SIRT2: variants seen among roughly 807,000 people sequenced by gnomAD.
The protein encoded by SIRT2 is sirtuin 2.
Under a neutral mutation model 57.4 loss-of-function variants are expected in SIRT2, and 40 were observed. The observed-to-expected ratio is 0.70, with a 90% CI of 0.54 to 0.91. The LOEUF is 0.91. SIRT2 is among the 40% of genes least tolerant of loss of function. SIRT2 has a pLI of 0.00. For missense variants in SIRT2, 439 were observed against 510.4 expected (o/e 0.86, Z 1.35); for synonymous variants, 161 against 195.7 (o/e 0.82, Z 1.48).
At chr19:38,890,721 C>A in intron 4 of SIRT2, 1 of 155,654 alleles carries the variant, frequency 6.4e-6, no homozygotes, top group Non-Finnish European at 1.4e-5. Flanking sequence ...AAAAGAGAAT[C>A]CACTGTTGGA....
intron 8 of SIRT2, among the ~76,000 whole-genome samples, chr19:38,884,696 C>T (rs1251591566): frequency 1.3e-5 from 2 of 152,042 alleles, no homozygotes; most frequent in African/African-American, 2.4e-5. Flanking sequence ...ATTTGCTTGC[C>T]TCGGCCTCCC....
intron 8 of SIRT2, among the ~76,000 whole-genome samples, chr19:38,886,869 C>T (rs1371138557): frequency 6.6e-6 from 1 of 152,072 alleles, no homozygotes; most frequent in African/African-American, 2.4e-5. Context: ...TTTGGCCTCC[C>T]AAAGTGCTGG....
chr19:38,897,523 C>G (rs1050679336), intron 2 of SIRT2, among the ~76,000 whole-genome samples: 1 of 136,146 alleles, frequency 7.3e-6, no homozygotes, highest in Non-Finnish European at 1.5e-5. Context: ...CTTTACTTTT[C>G]TTCCTTTTTT....
chr19:38,898,355 C>A, intron 2 of SIRT2, 24 bp downstream of exon 2: 1 of 1,468,122 alleles, frequency 6.8e-7, no homozygotes, highest in Non-Finnish European at 9.1e-7. Context: ...TCTCTCCTCC[C>A]CTCCACCCTT....
chr19:38,884,231 A>G (rs1387462173), intron 8 of SIRT2, among the ~76,000 whole-genome samples: 1 of 152,012 alleles, frequency 6.6e-6, no homozygotes, highest in Non-Finnish European at 1.5e-5. Flanking sequence ...CATTTTTCAG[A>G]AAAAAAATGT....
intron 8 of SIRT2, among the ~76,000 whole-genome samples, chr19:38,884,483 C>G (rs987597038): frequency 6.6e-6 from 1 of 152,042 alleles, no homozygotes; most frequent in African/African-American, 2.4e-5. Context: ...GAGTCTTGCT[C>G]TGTCACCCAG....
At chr19:38,891,621 G>C (rs1436176850) in intron 4 of SIRT2, among the ~76,000 whole-genome samples, 3 of 152,072 alleles carry the variant, frequency 2.0e-5, no homozygotes, top group Non-Finnish European at 4.4e-5. Flanking sequence ...TTTTTGCAGA[G>C]AGGGGGTCTC....
rs199613421 is a variant in SIRT2, at chr19:38,879,714, G to A, written c.877-12C>T. The A allele has an allele frequency of 5.1e-6, 8 of 1,560,176 alleles. No individual in the cohort carries two copies. Among genetic ancestry groups the A allele is most frequent in the Non-Finnish European group, 6.1e-6 (7 of 1,151,442 alleles). On this transcript the variant is annotated splice_polypyrimidine_tract_variant and intron_variant, in intron 13 of 15. Coordinates refer to ENST00000249396, the MANE Select transcript of SIRT2 (RefSeq NM_012237.4). Reference sequence around the variant, plus strand: ...AGGAAAGGGTCCGACTGTCAGGGAGGGGGTGGGTCAGGGGCAGGAGCAGGG... The same window carrying A: ...AGGAAAGGGTCCGACTGTCAGGGAGAGGGTGGGTCAGGGGCAGGAGCAGGG...
Position 38,890,088 on chromosome 19 carries a change from AG to A in SIRT2, c.268+14del, listed in dbSNP as rs1973483395. 6.2e-7 allele frequency: 1 copy of A among 1,613,892 alleles called. No individual in the cohort carries two copies. The highest frequency in any genetic ancestry group is 1.3e-5 in the African/African-American group (1 of 74,852). On this transcript the variant is annotated intron_variant, in intron 5 of 15. Coordinates refer to ENST00000249396, the MANE Select transcript of SIRT2 (RefSeq NM_012237.4). ...AGTTCCTGGGGGTAGCTGCTGGGGG[AG>A]AAGGGTTACTTACATGTGGAGATTC...
At chr19:38,887,164 A>G (rs1973369522) in intron 8 of SIRT2, among the ~76,000 whole-genome samples, 1 of 152,062 alleles carries the variant, frequency 6.6e-6, no homozygotes, top group African/African-American at 2.4e-5. Context: ...GAACACATAC[A>G]CCGTTTCTGA....
rs539899708 is a variant in SIRT2 at position 38,880,410 on chromosome 19, TCCTGACC to T, written c.876+268_876+274del. The T allele has an allele frequency of 1.3e-3, 514 of 400,454 alleles. 3 individuals are homozygous for T. Among genetic ancestry groups the T allele is most frequent in the African/African-American group, 0.01 (483 of 47,810 alleles). 24.8% of individuals were successfully genotyped at this position (400,454 alleles called of 1,614,324 possible). A position where few individuals can be genotyped will look rare whatever the true frequency, so the allele number is the denominator to read the frequency against. ...CCAACCCCGCCCCCCGCACTGTCTC[TCCTGACC>T]CCTGCACCCCCTCCCACCTCCTCAG... On this transcript the variant is annotated intron_variant, in intron 13 of 15. Transcript: ENST00000249396. The surrounding 1 kb of genome is among the most constrained non-coding windows in gnomAD (Gnocchi z 4.1).
At chr19:38,896,762 T>C (rs1973730361) in intron 2 of SIRT2, among the ~76,000 whole-genome samples, 1 of 152,228 alleles carries the variant, frequency 6.6e-6, no homozygotes, top group Non-Finnish European at 1.5e-5. Context: ...CAGGAGGCTC[T>C]TATATCCTTA....
intron 14 of SIRT2, 50 bp from the exon 15 acceptor site, chr19:38,879,550 G>A (rs1276240076): frequency 9.6e-6 from 15 of 1,564,366 alleles, no homozygotes; most frequent in South Asian, 2.3e-5. Flanking sequence ...GCCCCTGCCT[G>A]CTCCTCTCAT....
intron 2 of SIRT2, among the ~76,000 whole-genome samples, chr19:38,897,311 G>T (rs1014232999): frequency 6.6e-6 from 1 of 152,114 alleles, no homozygotes; most frequent in Admixed American, 6.6e-5. Context: ...TGCCCCCCAG[G>T]TCTTTGCACA....
At chr19:38,889,450 G>A in intron 7 of SIRT2, 2 of 664,154 alleles carry the variant, frequency 3.0e-6, no homozygotes, top group African/African-American at 1.8e-5. Flanking sequence ...AGTCAGCTAA[G>A]CCTCGCAGCA....
rs1476536565 is a variant in SIRT2 at position 38,893,268 on chromosome 19, C to A, written c.226+146G>T. On this transcript the variant is annotated intron_variant, in intron 4 of 15. Coordinates refer to ENST00000249396, the MANE Select transcript of SIRT2 (RefSeq NM_012237.4). ...TTCAAGCTGGATTAGAGCCAACACA[C>A]TCCTTTTTGGCTTAAGCCAGTTCCA... The A allele has an allele frequency of 3.8e-5, 24 of 632,446 alleles. 1 individual carries two copies. Among genetic ancestry groups the A allele is most frequent in the Non-Finnish European group, 1.4e-5 (5 of 350,760 alleles). 39.2% of individuals were successfully genotyped at this position (632,446 alleles called of 1,614,324 possible). A position where few individuals can be genotyped will look rare whatever the true frequency, so the allele number is the denominator to read the frequency against.
intron 1 of SIRT2, 47 bp downstream of exon 1, chr19:38,899,459 C>A (rs1158968170): frequency 1.9e-6 from 3 of 1,608,618 alleles, no homozygotes; most frequent in Non-Finnish European, 2.5e-6. Context: ...CAGCATTCAG[C>A]CAGGCCCCGG....
chr19:38,889,724 C>T lies in SIRT2; in HGVS notation c.397G>A (p.Ala133Thr), dbSNP rs150309258. ...YFKKHPEPFFALAKELYPGQF... is the reference protein window; with the variant it reads ...YFKKHPEPFFTLAKELYPGQF... ...CCAGGATAGAGTTCCTTGGCGAGGG[C>T]GAAGAAGGGTTCCGGATGTTTCTGT... Residue 133 changes from alanine to threonine, a missense_variant, in exon 7 of 16, where the codon GCC becomes ACC. Ala to Thr is a moderately conservative substitution (Grantham distance 58). Transcript: ENST00000249396. 11 of 1,614,054 alleles carry T rather than the reference C, an allele frequency of 6.8e-6. No individual in the cohort carries two copies. Among genetic ancestry groups the T allele is most frequent in the South Asian group, 5.5e-5 (5 of 91,076 alleles).
chr19:38,882,814 T>C (rs1973196913), intron 9 of SIRT2, among the ~76,000 whole-genome samples: 1 of 152,126 alleles, frequency 6.6e-6, no homozygotes, highest in Non-Finnish European at 1.5e-5. Flanking sequence ...ACACCGTGGG[T>C]GCTGCCTGTG....
Sources: gnomAD v4.1 joint callset for allele counts (sites outside exome capture counted in the v4.1 genomes callset) on GRCh38, gnomAD v4.1.1 for gene constraint, Gnocchi (gnomAD v3.1) non-coding constraint, MANE v1.5 for transcripts, NCBI Gene and HGNC (gene_info 2026-07-23, HGNC 2026-07-21) for gene names.